TLK1: variants seen among roughly 807,000 people sequenced by gnomAD.
The protein encoded by TLK1 is tousled like kinase 1.
TLK1 carries 24 observed loss-of-function variants against 105.3 expected under a neutral mutation model. The observed-to-expected ratio is 0.23, with a 90% CI of 0.17 to 0.32. TLK1 has a LOEUF of 0.32. Ranked by LOEUF, TLK1 falls within the 10% of genes least tolerant of loss-of-function variation. The probability of loss-of-function intolerance (pLI) is 1.00; values close to 1 mark genes in which losing one functional copy is unlikely to be tolerated. For synonymous variants in TLK1, 321 were observed against 310.4 expected, an observed-to-expected ratio of 1.03 and a Z score of -0.36; for missense variants, 558 against 910.5, an observed-to-expected ratio of 0.61 and a Z score of 4.98.
intron 1 of TLK1, among the ~76,000 whole-genome samples, chr2:171,194,949 A>T (rs1693238137): frequency 6.6e-6 from 1 of 152,180 alleles, no homozygotes; most frequent in South Asian, 2.1e-4. Context: ...TACACGAATC[A>T]CTGCTCTGCT....
At chr2:171,059,853 G>T in intron 4 of TLK1, 1 of 827,250 alleles carries the variant, frequency 1.2e-6, no homozygotes, top group Non-Finnish European at 2.1e-6. Flanking sequence ...ACTCCTATGA[G>T]AATCTAACGC....
At chr2:171,120,638 A>C (rs896294113) in intron 1 of TLK1, among the ~76,000 whole-genome samples, 4 of 152,208 alleles carry the variant, frequency 2.6e-5, no homozygotes, top group African/African-American at 9.6e-5. Flanking sequence ...AAAACCCCAA[A>C]TATACAAGTG....
intron 1 of TLK1, among the ~76,000 whole-genome samples, chr2:171,220,409 G>A (rs181459414): frequency 1.6e-4 from 24 of 152,334 alleles, no homozygotes; most frequent in Non-Finnish European, 2.9e-4. Context: ...TAATATGGCA[G>A]AAGTGACAGT....
At chr2:171,159,555 C>G (rs761214194) in intron 1 of TLK1, 1 of 152,208 alleles carries the variant, frequency 6.6e-6, no homozygotes, top group Non-Finnish European at 1.5e-5. Context: ...CCCACAAAAC[C>G]CACGACCCTG....
At chr2:171,017,382 G>A (rs992895072) in intron 12 of TLK1, among the ~76,000 whole-genome samples, 1 of 152,148 alleles carries the variant, frequency 6.6e-6, no homozygotes, top group African/African-American at 2.4e-5. Flanking sequence ...GCTGGTGCAA[G>A]TTTAAATAAT....
chr2:171,128,917 C>A (rs1038070067), intron 1 of TLK1, among the ~76,000 whole-genome samples: 1 of 152,056 alleles, frequency 6.6e-6, no homozygotes, highest in Non-Finnish European at 1.5e-5. Context: ...TAGTTTATAT[C>A]CACTCAACTA....
chr2:171,005,096 G>C (rs1317640628), intron 18 of TLK1, among the ~76,000 whole-genome samples: 1 of 152,192 alleles, frequency 6.6e-6, no homozygotes, highest in Non-Finnish European at 1.5e-5. Flanking sequence ...ATTTATGTTT[G>C]TAGTCACAAT....
intron 1 of TLK1, among the ~76,000 whole-genome samples, chr2:171,135,424 T>C (rs1199241722): frequency 5.3e-5 from 8 of 151,924 alleles, no homozygotes; most frequent in Admixed American, 2.6e-4. Flanking sequence ...AGGCATAGTG[T>C]CTGGAGGCTG....
At chr2:171,099,741 A>G (rs1689610020) in intron 2 of TLK1, among the ~76,000 whole-genome samples, 1 of 152,230 alleles carries the variant, frequency 6.6e-6, no homozygotes, top group Admixed American at 6.5e-5. Context: ...GTTCCAGGAC[A>G]ATTCAAAGGG....
intron 2 of TLK1, among the ~76,000 whole-genome samples, chr2:171,110,319 A>G (rs998516571): frequency 6.6e-6 from 1 of 152,170 alleles, no homozygotes; most frequent in Non-Finnish European, 1.5e-5. Flanking sequence ...AAATACAAAA[A>G]TTAGCTGGGC....
In TLK1 at chr2:170,993,081, A is replaced by C. The variant is rs1683854081; in HGVS notation, c.*699T>G. 6.5e-6 allele frequency: 1 copy of C among 152,802 alleles called. No individual in the cohort carries two copies. The highest frequency in any genetic ancestry group is 2.4e-5 in the African/African-American group (1 of 41,590). 9.5% of individuals were successfully genotyped at this position (152,802 alleles called of 1,614,324 possible). A position where few individuals can be genotyped will look rare whatever the true frequency, so the allele number is the denominator to read the frequency against. ...AGTGAATTCAACTGATTTCAACACA[A>C]GCAGCTCATTTTGTCAAAGGTGTAA... is the stretch of plus-strand genomic sequence containing the variant. On this transcript the variant is annotated 3_prime_UTR_variant, in exon 21 of 21. Coordinates refer to ENST00000431350, the MANE Select transcript of TLK1 (RefSeq NM_012290.5).
intron 3 of TLK1, among the ~76,000 whole-genome samples, chr2:171,064,976 ATTATTAATCAAGGTT>A (rs1294217593): frequency 3.3e-5 from 5 of 152,210 alleles, no homozygotes; most frequent in Non-Finnish European, 5.9e-5. Context: ...TAGGTCAGTG[ATTATTAATCAAGGTT>A]TTTATATCTA....
At chr2:171,225,510 C>T (rs1035582349) in intron 1 of TLK1, among the ~76,000 whole-genome samples, 1 of 152,076 alleles carries the variant, frequency 6.6e-6, no homozygotes, top group Non-Finnish European at 1.5e-5. Flanking sequence ...AACCTTTGTA[C>T]ACTGCTGGTA....
intron 12 of TLK1, among the ~76,000 whole-genome samples, chr2:171,027,210 C>T (rs994500273): frequency 2.0e-5 from 3 of 152,096 alleles, no homozygotes; most frequent in African/African-American, 7.2e-5. Context: ...GAGACAACTT[C>T]ACAGATACTA....
upstream of TLK1, among the ~76,000 whole-genome samples, chr2:171,163,987 A>C (rs569210570): frequency 1.4e-4 from 21 of 152,302 alleles, no homozygotes; most frequent in Admixed American, 9.8e-4. Flanking sequence ...TGGCCTCTTA[A>C]AGTGCTAGGG....
In TLK1 at chr2:171,031,588, AAT is replaced by A. The variant is rs540798569; in HGVS notation, c.1170-3185_1170-3184del. Among the ~76,000 whole-genome samples, 628 of 152,318 alleles carry A rather than the reference AAT, an allele frequency of 4.1e-3. 6 individuals are homozygous for A. The highest frequency in any genetic ancestry group is 0.014 in the African/African-American group (568 of 41,564). On this transcript the variant is annotated intron_variant, in intron 11 of 20. Coordinates refer to ENST00000431350, the MANE Select transcript of TLK1 (RefSeq NM_012290.5). ...AATATTTTTATTACACAAACATAAA[AAT>A]ATTTTATTATGCACACATAACAATG...
intron 1 of TLK1, among the ~76,000 whole-genome samples, chr2:171,135,354 A>T (rs1691271554): frequency 6.6e-6 from 1 of 150,672 alleles, no homozygotes; most frequent in Non-Finnish European, 1.5e-5. Context: ...TCAAAACATG[A>T]CACTGTACCC....
chr2:171,117,327 T>C (rs533059903), intron 2 of TLK1, among the ~76,000 whole-genome samples: 2 of 152,288 alleles, frequency 1.3e-5, no homozygotes, highest in South Asian at 4.1e-4. Context: ...CCTCCTGCTG[T>C]GTGGCCGGTT....
chr2:171,189,387 G>A (rs893082986), intron 1 of TLK1, among the ~76,000 whole-genome samples: 5 of 152,104 alleles, frequency 3.3e-5, no homozygotes, highest in Admixed American at 1.3e-4. Flanking sequence ...GGCTGGTCTC[G>A]AACTCCTGAC....
Sources: allele counts gnomAD v4.1 joint callset (sites outside exome capture counted in the v4.1 genomes callset), GRCh38; gene constraint gnomAD v4.1.1; transcripts MANE v1.5; gene names NCBI Gene and HGNC (gene_info 2026-07-23, HGNC 2026-07-21).